TP63: variants seen among roughly 807,000 people sequenced by gnomAD.
TP63 encodes the protein tumor protein 63.
Under a neutral mutation model 82.8 loss-of-function variants are expected in TP63, and 17 were observed. The observed-to-expected ratio is 0.21, with a 90% CI of 0.14 to 0.31. The LOEUF (loss-of-function observed/expected upper bound fraction) is 0.31. Among genes scored for constraint, TP63 ranks in the 10% least tolerant of loss-of-function variants. The pLI, the probability that TP63 is intolerant of heterozygous loss-of-function variation, is 1.00. For synonymous variants in TP63, 330 were observed against 321.7 expected (o/e 1.03, Z -0.28); for missense variants, 648 against 895.3 (o/e 0.72, Z 3.52).
intron 12 of TP63, among the ~76,000 whole-genome samples, chr3:189,889,913 C>G (rs1053002393): frequency 3.9e-5 from 6 of 152,090 alleles, no homozygotes; most frequent in African/African-American, 1.4e-4. Flanking sequence ...AGTTGGATGT[C>G]CATAAAAAGT....
intron 3 of TP63, among the ~76,000 whole-genome samples, chr3:189,765,454 T>TTTTTTTTTTTTTTTTTTTTTA (rs56223992): frequency 7.4e-6 from 1 of 135,590 alleles, no homozygotes; most frequent in Non-Finnish European, 1.6e-5. Flanking sequence ...TTTTTTTTTT[T>TTTTTTTTTTTTTTTTTTTTTA]GAGACAGAGT....
chr3:189,836,603 C>T (rs940502762), intron 4 of TP63, among the ~76,000 whole-genome samples: 1 of 152,070 alleles, frequency 6.6e-6, no homozygotes, highest in African/African-American at 2.4e-5. Flanking sequence ...GTCTCTTTTC[C>T]CTAATTTTAA....
At chr3:189,860,139 C>T (rs1001837557) in intron 4 of TP63, among the ~76,000 whole-genome samples, 4 of 151,758 alleles carry the variant, frequency 2.6e-5, no homozygotes, top group African/African-American at 9.7e-5. Context: ...AAAACAAAAC[C>T]CCCATACAAA....
chr3:189,704,899 T>G (rs1237648875), intron 1 of TP63, among the ~76,000 whole-genome samples: 1 of 152,210 alleles, frequency 6.6e-6, no homozygotes, highest in Non-Finnish European at 1.5e-5. Flanking sequence ...TAAATTCCTG[T>G]AAATCCAGCT....
chr3:189,658,530 T>C (rs1298311841), intron 1 of TP63, among the ~76,000 whole-genome samples: 1 of 152,042 alleles, frequency 6.6e-6, no homozygotes, highest in Non-Finnish European at 1.5e-5. Context: ...AGATAGTATG[T>C]AGCCTTAACA....
At chr3:189,735,794 A>C (rs560036248) in intron 1 of TP63, among the ~76,000 whole-genome samples, 7 of 152,306 alleles carry the variant, frequency 4.6e-5, no homozygotes, top group African/African-American at 1.7e-4. Context: ...CTGTGGTGAT[A>C]GATACACTAC....
chr3:189,643,173 G>A (rs1712072077), intron 1 of TP63, among the ~76,000 whole-genome samples: 1 of 151,898 alleles, frequency 6.6e-6, no homozygotes. Context: ...AGCTAATTTT[G>A]TATTTTTAGT....
intron 10 of TP63, chr3:189,880,217 C>G: frequency 6.2e-7 from 1 of 1,603,432 alleles, no homozygotes; most frequent in South Asian, 1.1e-5. Flanking sequence ...TGTTGTATTT[C>G]CATGTGTATA....
the TP63 span, among the ~76,000 whole-genome samples, chr3:189,614,684 C>G: frequency 6.6e-6 from 1 of 152,152 alleles, no homozygotes; most frequent in African/African-American, 2.4e-5. Flanking sequence ...GACAGAGGCT[C>G]ATGTGGAGTA....
At chr3:189,889,590 TC>T (rs1402159014) in intron 12 of TP63, 106 bp downstream of exon 12, 1 of 1,503,752 alleles carries the variant, frequency 6.7e-7, no homozygotes, top group Non-Finnish European at 9.2e-7. Flanking sequence ...AAGACAGCAG[TC>T]CTGTGGTTGG....
intron 4 of TP63, among the ~76,000 whole-genome samples, chr3:189,851,972 G>GTAGGA (rs1715692421): frequency 6.6e-6 from 1 of 152,124 alleles, no homozygotes; most frequent in African/African-American, 2.4e-5. Flanking sequence ...GAAGGGCTAA[G>GTAGGA]TAGGAAACAG....
At chr3:189,656,807 A>T (rs1005436173) in intron 1 of TP63, among the ~76,000 whole-genome samples, 4 of 152,118 alleles carry the variant, frequency 2.6e-5, no homozygotes, top group Admixed American at 6.5e-5. Flanking sequence ...ATGTGTATGC[A>T]CCTAACAACA....
intron 12 of TP63, among the ~76,000 whole-genome samples, chr3:189,890,453 A>G (rs557457101): frequency 1.3e-4 from 20 of 152,156 alleles, no homozygotes; most frequent in Non-Finnish European, 2.5e-4. Context: ...AAGCAGCAAG[A>G]AAGCTAGGAA....
intron 3 of TP63, among the ~76,000 whole-genome samples, chr3:189,739,876 G>C (rs897181387): frequency 1.3e-5 from 2 of 151,434 alleles, no homozygotes; most frequent in African/African-American, 4.9e-5. Context: ...GGGGAAGCTA[G>C]ACAGCGGGGT....
intron 1 of TP63, among the ~76,000 whole-genome samples, chr3:189,662,134 T>C (rs1163542877): frequency 1.3e-5 from 2 of 152,094 alleles, no homozygotes; most frequent in African/African-American, 2.4e-5. Context: ...TTTGTTTTTA[T>C]AGTTCCTTTA....
At chr3:189,682,541 A>G (rs1333511528) in intron 1 of TP63, among the ~76,000 whole-genome samples, 4 of 14,984 alleles carry the variant, frequency 2.7e-4, no homozygotes, top group Non-Finnish European at 4.1e-4. Context: ...AAGGGGAAAA[A>G]AAAAAAAAAA....
At chr3:189,619,395 A>C in the TP63 span, among the ~76,000 whole-genome samples, 1 of 152,200 alleles carries the variant, frequency 6.6e-6, no homozygotes, top group African/African-American at 2.4e-5. Flanking sequence ...AGGGGTATCC[A>C]CTTAATGCCC....
At chr3:189,695,091 T>C (rs994773243) in intron 1 of TP63, among the ~76,000 whole-genome samples, 1 of 152,018 alleles carries the variant, frequency 6.6e-6, no homozygotes, top group African/African-American at 2.4e-5. Flanking sequence ...TTATTTTCTA[T>C]CTTCTTGAGG....
At chr3:189,724,636 A>C (rs1719637375) in intron 1 of TP63, among the ~76,000 whole-genome samples, 1 of 152,212 alleles carries the variant, frequency 6.6e-6, no homozygotes, top group Non-Finnish European at 1.5e-5. Context: ...ATTTCTTTGC[A>C]TCTCTACAGT....
Sources: allele counts gnomAD v4.1 joint callset (sites outside exome capture counted in the v4.1 genomes callset), GRCh38; gene constraint gnomAD v4.1.1; transcripts MANE v1.5; gene names NCBI Gene and HGNC (gene_info 2026-07-23, HGNC 2026-07-21).